VAX2: variants seen among roughly 807,000 people sequenced by gnomAD.
VAX2 encodes the protein ventral anterior homeobox 2.
Under a neutral mutation model 12.5 loss-of-function variants are expected in VAX2, and 8 were observed. The ratio of observed to expected loss-of-function variants is 0.64; its 90% CI spans 0.37 to 1.15. VAX2 has a LOEUF of 1.15. VAX2 is among the 50% of genes most tolerant of loss of function. The pLI is 0.01. For synonymous variants in VAX2, 183 were observed against 187.6 expected (o/e 0.98, Z 0.20); for missense variants, 476 against 412.9 (o/e 1.15, Z -1.32).
At chr2:70,901,395 A>G (rs1678921544) in intron 1 of VAX2, among the ~76,000 whole-genome samples, 1 of 152,154 alleles carries the variant, frequency 6.6e-6, no homozygotes, top group Non-Finnish European at 1.5e-5. Context: ...ACGGCGCGGG[A>G]CGCGGAGGGT....
At chr2:70,911,699 A>ATG (rs1298073377) in intron 1 of VAX2, among the ~76,000 whole-genome samples, 4 of 152,130 alleles carry the variant, frequency 2.6e-5, no homozygotes, top group Non-Finnish European at 5.9e-5. Context: ...TAGCCCGAGT[A>ATG]TTTTTTCATA....
chr2:70,925,612 G>A (rs530521850), intron 2 of VAX2, among the ~76,000 whole-genome samples: 3 of 152,268 alleles, frequency 2.0e-5, no homozygotes, highest in African/African-American at 7.2e-5. Context: ...TAAGTTATCT[G>A]AGAGTCTCTG....
At position 70,904,354 on chromosome 2, in the gene VAX2, A is replaced by G. The variant is rs1338563524; in HGVS notation, c.247+3486A>G. On this transcript the variant is annotated intron_variant, in intron 1 of 2. Transcript: ENST00000234392. This position sits in a 1 kb window ranked among gnomAD's most constrained non-coding sequence, Gnocchi z 4.2. ...TGGAGCTGGGATACCAGCAGGCAGA[A>G]GAGGTGGACAACTCTGACCGCAGAC... Among the ~76,000 whole-genome samples, 1 of 152,234 alleles carries G rather than the reference A, an allele frequency of 6.6e-6. No individual in the cohort carries two copies. The highest frequency in any genetic ancestry group is 1.5e-5 in the Non-Finnish European group (1 of 68,048).
At chr2:70,917,563 T>A (rs1553412187) in intron 1 of VAX2, among the ~76,000 whole-genome samples, 1 of 152,136 alleles carries the variant, frequency 6.6e-6, no homozygotes, top group East Asian at 1.9e-4. Context: ...TTCTGATAGG[T>A]GTTTCTTATT....
At chr2:70,920,549 G>C (rs568840061) in intron 1 of VAX2, among the ~76,000 whole-genome samples, 2 of 152,136 alleles carry the variant, frequency 1.3e-5, no homozygotes, top group South Asian at 2.1e-4. Context: ...TCCCCAGACT[G>C]TCCTCTACCG....
chr2:70,914,185 T>A (rs1277643338), intron 1 of VAX2, among the ~76,000 whole-genome samples: 1 of 152,192 alleles, frequency 6.6e-6, no homozygotes, highest in Non-Finnish European at 1.5e-5. Flanking sequence ...CGGTGGCTCA[T>A]ATCTGTAATC....
chr2:70,907,942 C>G (rs1679096911), intron 1 of VAX2, among the ~76,000 whole-genome samples: 3 of 152,166 alleles, frequency 2.0e-5, no homozygotes, highest in South Asian at 4.1e-4. Context: ...TCTTGCTGTC[C>G]CTTGACTGTA....
chr2:70,909,402 A>G (rs1679134935), intron 1 of VAX2, among the ~76,000 whole-genome samples: 1 of 152,118 alleles, frequency 6.6e-6, no homozygotes, highest in Non-Finnish European at 1.5e-5. Flanking sequence ...GGGTTTCACC[A>G]TATTGAGGAG....
intron 1 of VAX2, among the ~76,000 whole-genome samples, chr2:70,901,387 G>C (rs1242602376): frequency 4.6e-5 from 7 of 152,250 alleles, no homozygotes; most frequent in African/African-American, 1.7e-4. Context: ...CAGGGGAGAC[G>C]GCGCGGGACG....
chr2:70,904,336 G>A lies in VAX2; in HGVS notation c.247+3468G>A, dbSNP rs1307338861. Reference sequence around the variant, plus strand: ...GAGCACCAGGCTTTTCGGTGGAGCTGGGATACCAGCAGGCAGAAGAGGTGG... The same window carrying A: ...GAGCACCAGGCTTTTCGGTGGAGCTAGGATACCAGCAGGCAGAAGAGGTGG... On this transcript the variant is annotated intron_variant, in intron 1 of 2. Transcript: ENST00000234392. This position sits in a 1 kb window ranked among gnomAD's most constrained non-coding sequence, Gnocchi z 4.2. Among the ~76,000 whole-genome samples the A allele has an allele frequency of 6.6e-6, 1 of 152,326 alleles. No individual in the cohort carries two copies. The highest frequency in any genetic ancestry group is 1.9e-4 in the East Asian group (1 of 5,176).
In VAX2 at chr2:70,906,520, CTTTTTTTT is replaced by C. The variant is rs869309305; in HGVS notation, c.247+5671_247+5678del. Among the ~76,000 whole-genome samples the C allele has an allele frequency of 3.1e-4, 19 of 60,592 alleles. 1 individual carries two copies. Among genetic ancestry groups the C allele is most frequent in the South Asian group, 1.8e-3 (2 of 1,084 alleles). 39.8% of individuals were successfully genotyped at this position (60,592 alleles called of 152,430 possible). ...CTTTCTTTTTTTTTCTTTTCTTTTC[CTTTTTTTT>C]TTTTTTTTTTTTTTTTTTAGATAGA... On this transcript the variant is annotated intron_variant, in intron 1 of 2. Coordinates refer to ENST00000234392, the MANE Select transcript of VAX2 (RefSeq NM_012476.3).
rs1325605951 is a variant in VAX2 at position 70,900,727 on chromosome 2, G to A, written c.106G>A (p.Ala36Thr). 1 of 1,416,400 alleles carries A rather than the reference G, an allele frequency of 7.1e-7. No homozygotes were observed. Among genetic ancestry groups the A allele is most frequent in the Non-Finnish European group, 9.3e-7 (1 of 1,079,132 alleles). The allele number at this position is 1,416,400 out of a possible 1,614,324, so 87.7% of individuals were successfully genotyped here. A position where few individuals can be genotyped will look rare whatever the true frequency, so the allele number is the denominator to read the frequency against. ...GDRSGAGDLR[A>T]DGGGHSPTEV... ...CCGCAGCGGAGCGGGGGACTTGCGA[G>A]CTGATGGCGGTGGCCACAGCCCAAC... The change falls in exon 1 of 3, where the codon GCT (alanine) becomes ACT (threonine). Residue 36 changes from alanine (A) to threonine (T), a missense_variant. Physicochemically the swap from Ala to Thr is moderately conservative, Grantham distance 58. Transcript: ENST00000234392.
chr2:70,908,577 G>T (rs908741969), intron 1 of VAX2, among the ~76,000 whole-genome samples: 10 of 152,064 alleles, frequency 6.6e-5, no homozygotes, highest in Non-Finnish European at 1.2e-4. Flanking sequence ...TGGACATTTG[G>T]TTATTTTCTT....
chr2:70,913,967 T>C (rs1468272997), intron 1 of VAX2, among the ~76,000 whole-genome samples: 2 of 152,232 alleles, frequency 1.3e-5, no homozygotes, highest in Non-Finnish European at 2.9e-5. Context: ...TATTGCCTCA[T>C]TCTTTTCAAT....
chr2:70,932,921 C>A lies in VAX2; in HGVS notation c.590C>A (p.Ala197Asp), dbSNP rs972351853. 2.5e-6 allele frequency: 4 copies of A among 1,613,078 alleles called. No individual in the cohort carries two copies. The highest frequency in any genetic ancestry group is 3.3e-5 in the Admixed American group (2 of 59,986). ...EQGRLLSVPR[A>D]PSLLALTPSL... Reference sequence around the variant, plus strand: ...GGCCGGCTGCTCTCTGTGCCCAGGGCCCCTAGCCTCCTGGCGCTGACCCCT... The same window carrying A: ...GGCCGGCTGCTCTCTGTGCCCAGGGACCCTAGCCTCCTGGCGCTGACCCCT... Residue 197 changes from alanine (A) to aspartate (D), a missense_variant, in exon 3 of 3, where the codon GCC (alanine) becomes GAC (aspartate). Transcript: ENST00000234392.
chr2:70,933,354 A>C lies in VAX2; in HGVS notation c.*150A>C. ...CCCCAGCTCAGAGACTCGTGACCAA[A>C]TGGCCTTGGTCCCGCAGCTTGTGTG... On this transcript the variant is annotated 3_prime_UTR_variant, in exon 3 of 3. Transcript: ENST00000234392. The C allele has an allele frequency of 4.2e-6, 3 of 712,874 alleles. No homozygotes were observed. Among genetic ancestry groups the C allele is most frequent in the Non-Finnish European group, 4.1e-6 (2 of 484,202 alleles). 44.2% of individuals were successfully genotyped at this position (712,874 alleles called of 1,614,324 possible). A position where few individuals can be genotyped will look rare whatever the true frequency, so the allele number is the denominator to read the frequency against.
At chr2:70,918,167 G>A (rs1553412299) in intron 1 of VAX2, among the ~76,000 whole-genome samples, 1 of 152,168 alleles carries the variant, frequency 6.6e-6, no homozygotes, top group Non-Finnish European at 1.5e-5. Flanking sequence ...GGCAGGACCT[G>A]GCCTGGGATG....
chr2:70,922,888 G>A (rs547629286), intron 2 of VAX2, among the ~76,000 whole-genome samples: 1 of 152,258 alleles, frequency 6.6e-6, no homozygotes, highest in African/African-American at 2.4e-5. Flanking sequence ...AGTCACTGAG[G>A]CCCGTATTCC....
intron 1 of VAX2, among the ~76,000 whole-genome samples, chr2:70,907,337 G>T (rs1052673136): frequency 1.3e-5 from 2 of 152,268 alleles, no homozygotes; most frequent in Non-Finnish European, 2.9e-5. Flanking sequence ...AAAGTCAATG[G>T]TGAGTCTCCC....
Sources: gnomAD v4.1 joint callset for allele counts (sites outside exome capture counted in the v4.1 genomes callset) on GRCh38, gnomAD v4.1.1 for gene constraint, Gnocchi (gnomAD v3.1) non-coding constraint, MANE v1.5 for transcripts, NCBI Gene and HGNC (gene_info 2026-07-23, HGNC 2026-07-21) for gene names.